The following DCC variants were observed in gnomAD, a reference collection of about 807,000 sequenced individuals.
DCC encodes the protein DCC netrin 1 receptor, also known as netrin receptor DCC.
A neutral mutation model predicts 172.5 loss-of-function variants in DCC; 58 were observed. The ratio of observed to expected loss-of-function variants is 0.34; its 90% CI spans 0.27 to 0.42. DCC has a LOEUF of 0.42. DCC is among the 10% of genes least tolerant of loss of function. The pLI, the probability that DCC is intolerant of heterozygous loss-of-function variation, is 1.00. For synonymous variants in DCC, 709 were observed against 644.5 expected (o/e 1.10, Z -1.52); for missense variants, 1,740 against 1,791.0 (o/e 0.97, Z 0.51).
chr18:52,731,760 A>G (rs755969531), intron 1 of DCC, among the ~76,000 whole-genome samples: 6 of 152,106 alleles, frequency 3.9e-5, no homozygotes, highest in Non-Finnish European at 8.8e-5. Flanking sequence ...CTTCACAGTG[A>G]TAATTTTGAT....
At chr18:53,465,463 AC>A (rs1394484765) in intron 24 of DCC, among the ~76,000 whole-genome samples, 2 of 151,952 alleles carry the variant, frequency 1.3e-5, no homozygotes, top group African/African-American at 4.8e-5. Flanking sequence ...GAATTGTTTT[AC>A]CCATATAAGT....
Position 52,768,652 on chromosome 18 carries a change from A to C in DCC, c.412+16278A>C, listed in dbSNP as rs9951317. On this transcript the variant is annotated intron_variant, in intron 2 of 28. Transcript: ENST00000442544. The stretch of plus-strand genomic sequence containing the variant: ...CTTTTTCTAAAGCTTTACAACATAC[A>C]CCCTAATCTTGCTTCTTTGTTTTTA... 8.8e-4 allele frequency among the ~76,000 whole-genome samples: 134 copies of C among 152,148 alleles called. 1 individual carries two copies. The highest frequency in any genetic ancestry group is 3.0e-3 in the African/African-American group (124 of 41,490).
chr18:53,260,201 C>T (rs2056577810), intron 12 of DCC, among the ~76,000 whole-genome samples: 1 of 152,152 alleles, frequency 6.6e-6, no homozygotes, highest in South Asian at 2.1e-4. Context: ...CTTCTCTCAA[C>T]TTGTCAAAGT....
intron 27 of DCC, among the ~76,000 whole-genome samples, chr18:53,516,141 T>C (rs1288597285): frequency 4.7e-5 from 7 of 150,480 alleles, no homozygotes; most frequent in Admixed American, 6.6e-5. Flanking sequence ...TCAGAAATAA[T>C]GCCGCATATC....
intron 15 of DCC, among the ~76,000 whole-genome samples, chr18:53,385,021 C>CTTTTTTT (rs35779527): frequency 7.6e-6 from 1 of 131,040 alleles, no homozygotes. Flanking sequence ...TAATTTTTTT[C>CTTTTTTT]TTTTTTTTTT....
chr18:52,510,933 T>C (rs1341608959), intron 1 of DCC, among the ~76,000 whole-genome samples: 1 of 152,144 alleles, frequency 6.6e-6, no homozygotes, highest in African/African-American at 2.4e-5. Context: ...GAAAAAAAGC[T>C]AGAAGAGGGA....
intron 5 of DCC, among the ~76,000 whole-genome samples, chr18:53,051,368 T>G (rs1194649607): frequency 6.6e-6 from 1 of 152,166 alleles, no homozygotes; most frequent in East Asian, 1.9e-4. Context: ...CTTTAGTATC[T>G]AAAGTATTTG....
chr18:53,041,740 A>G (rs1342291280), intron 5 of DCC, among the ~76,000 whole-genome samples: 5 of 151,926 alleles, frequency 3.3e-5, no homozygotes. Flanking sequence ...ATCCTTTGTA[A>G]GTTGTATTCC....
chr18:53,091,341 A>G (rs2043005788), intron 7 of DCC, among the ~76,000 whole-genome samples: 1 of 148,052 alleles, frequency 6.8e-6, no homozygotes, highest in East Asian at 1.9e-4. Context: ...ATATATATAT[A>G]AATATATGAA....
intron 1 of DCC, among the ~76,000 whole-genome samples, chr18:52,579,077 G>A (rs1486733546): frequency 6.6e-6 from 1 of 152,194 alleles, no homozygotes; most frequent in East Asian, 1.9e-4. Context: ...CCTATAATAT[G>A]TAATAAGATA....
intron 2 of DCC, chr18:52,816,857 T>C (rs184287761): frequency 6.6e-6 from 1 of 152,332 alleles, no homozygotes; most frequent in East Asian, 1.9e-4. Flanking sequence ...GAAAAGATTT[T>C]ATTTAATTAA....
At chr18:52,803,678 G>GA (rs1179615529) in intron 2 of DCC, among the ~76,000 whole-genome samples, 4 of 151,968 alleles carry the variant, frequency 2.6e-5, no homozygotes, top group African/African-American at 9.7e-5. Flanking sequence ...AATGTCTATT[G>GA]AAAAAAATCT....
chr18:53,407,363 G>T (rs923419506), intron 19 of DCC, among the ~76,000 whole-genome samples: 3 of 151,058 alleles, frequency 2.0e-5, no homozygotes, highest in Non-Finnish European at 4.4e-5. Flanking sequence ...TTTTTGGGGG[G>T]AATAAAAAAG....
intron 5 of DCC, among the ~76,000 whole-genome samples, chr18:53,021,467 C>T (rs186578715): frequency 6.0e-4 from 92 of 152,182 alleles, no homozygotes; most frequent in Non-Finnish European, 1.5e-5. Flanking sequence ...GTGACAGGCA[C>T]AGTGGAAACT....
At chr18:52,860,361 GCA>G (rs1026961702) in intron 2 of DCC, among the ~76,000 whole-genome samples, 8 of 152,122 alleles carry the variant, frequency 5.3e-5, no homozygotes. Context: ...TTCAAGAAAA[GCA>G]CAGTTTTTGG....
chr18:52,723,848 G>A (rs1431881391), intron 1 of DCC, among the ~76,000 whole-genome samples: 2 of 152,154 alleles, frequency 1.3e-5, no homozygotes, highest in Non-Finnish European at 2.9e-5. Context: ...GCAAAGGCGA[G>A]CCTAAGCTGA....
chr18:53,168,103 T>C (rs751671379), intron 8 of DCC, among the ~76,000 whole-genome samples: 1 of 152,208 alleles, frequency 6.6e-6, no homozygotes, highest in Non-Finnish European at 1.5e-5. Flanking sequence ...AGAATACTTT[T>C]ACACTGTTGG....
intron 2 of DCC, among the ~76,000 whole-genome samples, chr18:52,853,745 G>A (rs1050783276): frequency 1.3e-5 from 2 of 152,156 alleles, no homozygotes; most frequent in Non-Finnish European, 2.9e-5. Flanking sequence ...CTAGGTCAGG[G>A]ACCAAGACCA....
intron 5 of DCC, among the ~76,000 whole-genome samples, chr18:53,040,185 A>G (rs2042150131): frequency 6.6e-6 from 1 of 152,052 alleles, no homozygotes. Flanking sequence ...TGATAAAATA[A>G]AAATAGTAGC....
Sources: gnomAD v4.1 joint callset for allele counts (sites outside exome capture counted in the v4.1 genomes callset) on GRCh38, gnomAD v4.1.1 for gene constraint, MANE v1.5 for transcripts, NCBI Gene and HGNC (gene_info 2026-07-23, HGNC 2026-07-21) for gene names.